AFF2: variants seen among roughly 807,000 people sequenced by gnomAD.
AFF2 encodes the protein AF4/FMR2 family member 2.
Under a neutral mutation model 76.9 loss-of-function variants are expected in AFF2, and 14 were observed. The observed-to-expected ratio is 0.18, with a 90% CI of 0.12 to 0.28. AFF2 has a LOEUF of 0.28. Ranked by LOEUF, AFF2 falls within the 10% of genes least tolerant of loss-of-function variation. The pLI, the probability that AFF2 is intolerant of heterozygous loss-of-function variation, is 1.00. For synonymous variants in AFF2, 398 were observed against 366.7 expected (o/e 1.09, Z -0.98); for missense variants, 868 against 1,001.1 (o/e 0.87, Z 1.79).
chrX:148,920,756 G>A (rs2071585241), intron 9 of AFF2, among the ~76,000 whole-genome samples: 1 of 110,619 alleles, frequency 9.0e-6, no homozygotes, highest in African/African-American at 3.3e-5. Flanking sequence ...CTCTAAGATG[G>A]GGGACATAGT....
chrX:148,900,405 G>A (rs1363639261), intron 8 of AFF2, among the ~76,000 whole-genome samples: 1 of 111,966 alleles, frequency 8.9e-6, no homozygotes, highest in Non-Finnish European at 1.9e-5. Flanking sequence ...GGTTTAGCGA[G>A]TGAGCAAATC....
chrX:148,976,758 A>G (rs966003966), intron 16 of AFF2, among the ~76,000 whole-genome samples: 2 of 112,802 alleles, frequency 1.8e-5, no homozygotes, highest in African/African-American at 6.4e-5. Flanking sequence ...TGTGAAAACA[A>G]GTGGGGCATC....
chrX:148,626,387 C>A (rs1421075774), intron 1 of AFF2, among the ~76,000 whole-genome samples: 1 of 110,201 alleles, frequency 9.1e-6, no homozygotes, highest in Admixed American at 9.8e-5. Context: ...TGTACTATGT[C>A]CAAGGTGCTG....
At chrX:148,900,602 G>A (rs2071343551) in intron 8 of AFF2, among the ~76,000 whole-genome samples, 1 of 111,115 alleles carries the variant, frequency 9.0e-6, no homozygotes, top group Admixed American at 9.6e-5. Context: ...CCCATCCTCA[G>A]GGTCCAATGT....
At chrX:148,524,123 C>CTCTCTCTCTCTG (rs1392390338) in intron 1 of AFF2, among the ~76,000 whole-genome samples, 1 of 83,464 alleles carries the variant, frequency 1.2e-5, no homozygotes, top group African/African-American at 5.2e-5. Context: ...CTCTCTCTCT[C>CTCTCTCTCTCTG]TGTGTGTGTG....
intron 1 of AFF2, among the ~76,000 whole-genome samples, chrX:148,646,570 C>G (rs782370143): frequency 8.9e-6 from 1 of 112,384 alleles, no homozygotes; most frequent in South Asian, 3.7e-4. Flanking sequence ...CATAATTTTA[C>G]AAACCACAGA....
At chrX:148,505,740 C>T (rs1161432636) in intron 1 of AFF2, among the ~76,000 whole-genome samples, 6 of 111,905 alleles carry the variant, frequency 5.4e-5, no homozygotes, top group South Asian at 3.7e-4. Context: ...TACCTCAAAG[C>T]GGAAAACTGC....
intron 3 of AFF2, among the ~76,000 whole-genome samples, chrX:148,762,022 T>A (rs1424558509): frequency 9.3e-6 from 1 of 107,781 alleles, no homozygotes; most frequent in Non-Finnish European, 1.9e-5. Context: ...TAGATATATA[T>A]TTTAGGAGAA....
intron 3 of AFF2, among the ~76,000 whole-genome samples, chrX:148,792,154 A>G (rs1161592209): frequency 9.0e-6 from 1 of 111,674 alleles, no homozygotes; most frequent in Admixed American, 9.6e-5. Context: ...CTGAGCCTCT[A>G]TGAACCTCAC....
chrX:148,897,755 C>T (rs1457403642), intron 8 of AFF2, among the ~76,000 whole-genome samples: 1 of 110,437 alleles, frequency 9.1e-6, no homozygotes, highest in Non-Finnish European at 1.9e-5. Context: ...GGTGTGCCCC[C>T]TTAGCATCAG....
chrX:148,783,724 A>T (rs2124614636), intron 3 of AFF2, among the ~76,000 whole-genome samples: 1 of 111,534 alleles, frequency 9.0e-6, no homozygotes, highest in African/African-American at 3.3e-5. Flanking sequence ...GGGGAGGTGG[A>T]TCTGCAATAA....
chrX:148,505,423 T>C (rs2079120260), intron 1 of AFF2, among the ~76,000 whole-genome samples: 1 of 111,938 alleles, frequency 8.9e-6, no homozygotes. Context: ...CAAATCAAGG[T>C]AGAAAATGAC....
At chrX:148,861,728 T>A (rs1316153754) in intron 7 of AFF2, among the ~76,000 whole-genome samples, 2 of 111,377 alleles carry the variant, frequency 1.8e-5, no homozygotes, top group Non-Finnish European at 1.9e-5. Flanking sequence ...CTACCTGGAG[T>A]ATGGATGCTC....
At chrX:148,543,640 C>T (rs1359747148) in intron 1 of AFF2, among the ~76,000 whole-genome samples, 1 of 111,686 alleles carries the variant, frequency 9.0e-6, no homozygotes, top group Non-Finnish European at 1.9e-5. Flanking sequence ...GATGTAATTG[C>T]CTAGTTCCTC....
chrX:148,924,499 A>G (rs781897626), intron 9 of AFF2, among the ~76,000 whole-genome samples: 2 of 112,290 alleles, frequency 1.8e-5, no homozygotes, highest in African/African-American at 6.5e-5. Flanking sequence ...AAAAATGGAG[A>G]TAACTTGGAC....
At chrX:148,547,800 C>T (rs2052940754) in intron 1 of AFF2, among the ~76,000 whole-genome samples, 1 of 111,843 alleles carries the variant, frequency 8.9e-6, no homozygotes, top group Non-Finnish European at 1.9e-5. Flanking sequence ...TATCAACTTC[C>T]CAAGTGTCCA....
chrX:148,736,059 A>T (rs2055281116), intron 3 of AFF2, among the ~76,000 whole-genome samples: 2 of 112,074 alleles, frequency 1.8e-5, no homozygotes, highest in Non-Finnish European at 3.8e-5. Context: ...GCAATTGTAA[A>T]TTGTGCTGCT....
intron 3 of AFF2, among the ~76,000 whole-genome samples, chrX:148,724,450 A>C (rs1326309745): frequency 1.8e-5 from 2 of 112,165 alleles, no homozygotes; most frequent in African/African-American, 6.5e-5. Context: ...GAGTAACAAT[A>C]TAAAAAATAA....
chrX:148,806,910 A>G (rs1484055439), intron 3 of AFF2, among the ~76,000 whole-genome samples: 2 of 112,524 alleles, frequency 1.8e-5, no homozygotes, highest in African/African-American at 3.2e-5. Flanking sequence ...AGGAAGGAAA[A>G]GCACTTGCGG....
Sources: gnomAD v4.1 joint callset for allele counts (sites outside exome capture counted in the v4.1 genomes callset) on GRCh38, gnomAD v4.1.1 for gene constraint, MANE v1.5 for transcripts, NCBI Gene and HGNC (gene_info 2026-07-23, HGNC 2026-07-21) for gene names.